DPP10: variants seen among roughly 807,000 people sequenced by gnomAD.
DPP10 encodes the protein inactive dipeptidyl peptidase 10.
DPP10 carries 33 observed loss-of-function variants against 120.9 expected under a neutral mutation model. The observed-to-expected ratio is 0.27, with a 90% CI of 0.21 to 0.37. The LOEUF is 0.37. DPP10 is among the 10% of genes least tolerant of loss of function. The probability of loss-of-function intolerance (pLI) is 1.00; values close to 1 mark genes in which losing one functional copy is unlikely to be tolerated. For missense variants in DPP10, 816 were observed against 942.8 expected, an observed-to-expected ratio of 0.87 and a Z score of 1.76; for synonymous variants, 337 against 326.1, an observed-to-expected ratio of 1.03 and a Z score of -0.36.
chr2:115,310,244 A>G (rs1368047714), intron 2 of DPP10, among the ~76,000 whole-genome samples: 2 of 152,158 alleles, frequency 1.3e-5, no homozygotes, highest in Non-Finnish European at 2.9e-5. Flanking sequence ...GTTGAATGCT[A>G]TTTATTTCCA....
At chr2:114,888,221 C>T (rs1692240401) in intron 1 of DPP10, among the ~76,000 whole-genome samples, 2 of 151,776 alleles carry the variant, frequency 1.3e-5, no homozygotes, top group African/African-American at 2.4e-5. Flanking sequence ...AATGCCTGTG[C>T]TCAGCAGAGC....
At chr2:115,385,371 T>A (rs1292369818) in intron 3 of DPP10, among the ~76,000 whole-genome samples, 1 of 147,314 alleles carries the variant, frequency 6.8e-6, no homozygotes, top group Non-Finnish European at 1.5e-5. Flanking sequence ...TTTTTTTAAA[T>A]CAAGACAGAG....
At chr2:115,072,933 C>A (rs1294844710) in intron 1 of DPP10, among the ~76,000 whole-genome samples, 1 of 152,084 alleles carries the variant, frequency 6.6e-6, no homozygotes, top group Non-Finnish European at 1.5e-5. Context: ...CAGGTGCCCA[C>A]CACCATACCC....
At chr2:115,249,391 A>G (rs1488750084) in intron 1 of DPP10, among the ~76,000 whole-genome samples, 4 of 152,120 alleles carry the variant, frequency 2.6e-5, no homozygotes, top group African/African-American at 9.7e-5. Flanking sequence ...GTGCCTTCCA[A>G]ATAGAGGGAA....
intron 1 of DPP10, among the ~76,000 whole-genome samples, chr2:114,659,340 A>G (rs1573905488): frequency 7.0e-6 from 1 of 142,890 alleles, no homozygotes. Flanking sequence ...TTTTTTTTTT[A>G]AAGATTCAAA....
intron 1 of DPP10, among the ~76,000 whole-genome samples, chr2:114,934,482 A>G (rs1181582899): frequency 6.6e-6 from 1 of 152,158 alleles, no homozygotes; most frequent in Admixed American, 6.6e-5. Context: ...CATCCTCATC[A>G]TCTTCATGTT....
intron 5 of DPP10, among the ~76,000 whole-genome samples, chr2:115,669,593 T>C (rs915694798): frequency 6.6e-6 from 1 of 152,160 alleles, no homozygotes; most frequent in African/African-American, 2.4e-5. Flanking sequence ...TTTTCCATCA[T>C]TTTGGTCACA....
At chr2:114,835,160 C>CATATCTACACACCTATGTATATATAGGA (rs1687609269) in intron 1 of DPP10, 1 of 134,988 alleles carries the variant, frequency 7.4e-6, no homozygotes, top group African/African-American at 2.9e-5. Flanking sequence ...TATATATAAG[C>CATATCTACACACCTATGTATATATAGGA]CATATCTACA....
intron 1 of DPP10, among the ~76,000 whole-genome samples, chr2:114,994,978 T>C (rs1269796410): frequency 6.6e-6 from 1 of 152,268 alleles, no homozygotes; most frequent in Non-Finnish European, 1.5e-5. Flanking sequence ...TATTCTACAA[T>C]GTTCCTTCAC....
At chr2:115,685,901 A>G (rs948975486) in intron 5 of DPP10, among the ~76,000 whole-genome samples, 1 of 152,058 alleles carries the variant, frequency 6.6e-6, no homozygotes, top group African/African-American at 2.4e-5. Flanking sequence ...TTAATACAGT[A>G]GATTATTATC....
chr2:115,280,323 A>T (rs1009473442), intron 1 of DPP10, among the ~76,000 whole-genome samples: 1 of 152,202 alleles, frequency 6.6e-6, no homozygotes, highest in Non-Finnish European at 1.5e-5. Context: ...TTATCTATTT[A>T]AAAAATGAAT....
intron 1 of DPP10, among the ~76,000 whole-genome samples, chr2:115,173,111 C>T (rs550010959): frequency 6.6e-6 from 1 of 152,226 alleles, no homozygotes; most frequent in East Asian, 1.9e-4. Flanking sequence ...CTTCCCCATC[C>T]CCATGGTTAA....
chr2:115,468,007 G>T (rs1188198462), intron 3 of DPP10: 2 of 330,700 alleles, frequency 6.0e-6, no homozygotes, highest in African/African-American at 2.2e-5. Flanking sequence ...CCAGAGAAGG[G>T]CCCAGATGGT....
intron 1 of DPP10, among the ~76,000 whole-genome samples, chr2:114,653,657 A>G (rs1036675440): frequency 2.6e-5 from 4 of 152,294 alleles, no homozygotes; most frequent in Non-Finnish European, 2.9e-5. Context: ...GTGTCCTTCA[A>G]TAAGATAGAG....
chr2:114,642,204 T>C (rs1161603637), intron 1 of DPP10, among the ~76,000 whole-genome samples: 1 of 151,920 alleles, frequency 6.6e-6, no homozygotes. Flanking sequence ...TTCAACCTCC[T>C]GAGCTCCTTA....
chr2:115,579,601 T>C (rs2081898194), intron 5 of DPP10: 1 of 152,214 alleles, frequency 6.6e-6, no homozygotes, highest in South Asian at 2.1e-4. Context: ...CTATGTTTTT[T>C]ACTTTTTCTT....
At chr2:115,240,002 T>C (rs775011857) in intron 1 of DPP10, among the ~76,000 whole-genome samples, 2 of 152,352 alleles carry the variant, frequency 1.3e-5, no homozygotes, top group Non-Finnish European at 2.9e-5. Flanking sequence ...CAGTCTATCA[T>C]TGATGGACAT....
intron 1 of DPP10, among the ~76,000 whole-genome samples, chr2:114,801,383 G>A (rs1297898859): frequency 6.6e-6 from 1 of 152,100 alleles, no homozygotes; most frequent in Non-Finnish European, 1.5e-5. Context: ...GAAACTACAG[G>A]CAGTGACATC....
At chr2:114,545,849 C>T (rs995318636) in intron 1 of DPP10, among the ~76,000 whole-genome samples, 15 of 152,160 alleles carry the variant, frequency 9.9e-5, no homozygotes, top group Admixed American at 2.0e-4. Context: ...ATACCGCAAC[C>T]CATGGAGCAA....
Sources: gnomAD v4.1 joint callset for allele counts (sites outside exome capture counted in the v4.1 genomes callset) on GRCh38, gnomAD v4.1.1 for gene constraint, MANE v1.5 for transcripts, NCBI Gene and HGNC (gene_info 2026-07-23, HGNC 2026-07-21) for gene names.